PLEKHB2: variants seen among roughly 807,000 people sequenced by gnomAD.
PLEKHB2 encodes pleckstrin homology domain containing B2, also known as pleckstrin homology domain-containing family B member 2.
PLEKHB2 carries 31 observed loss-of-function variants against 36.5 expected under a neutral mutation model. The observed-to-expected ratio is 0.85, with a 90% confidence interval of 0.64 to 1.15. The LOEUF (loss-of-function observed/expected upper bound fraction) is 1.15, where lower values mean the gene tolerates loss of function less well. Among genes scored for constraint, PLEKHB2 ranks in the 50% most tolerant of loss-of-function variants. PLEKHB2 has a pLI of 0.00. For missense variants in PLEKHB2, 262 were observed against 295.3 expected (o/e 0.89, Z 0.83); for synonymous variants, 119 against 112.0 (o/e 1.06, Z -0.39).
At chr2:131,131,886 T>G (rs984717532) in intron 5 of PLEKHB2, among the ~76,000 whole-genome samples, 19 of 150,956 alleles carry the variant, frequency 1.3e-4, no homozygotes, top group Non-Finnish European at 1.8e-4. Context: ...CAGGCCAGAG[T>G]GCAGTGGAGC....
At chr2:131,138,211 A>G (rs1005923463) in intron 6 of PLEKHB2, among the ~76,000 whole-genome samples, 2 of 151,638 alleles carry the variant, frequency 1.3e-5, no homozygotes, top group African/African-American at 4.8e-5. Flanking sequence ...GTTATTCTTT[A>G]TATCTTGATA....
intron 5 of PLEKHB2, among the ~76,000 whole-genome samples, chr2:131,131,700 CAACTT>C (rs1697701882): frequency 6.6e-6 from 1 of 150,956 alleles, no homozygotes; most frequent in Non-Finnish European, 1.5e-5. Context: ...TAGCACACAA[CAACTT>C]CATTCTAAGC....
chr2:131,121,007 G>A (rs1370681959), intron 2 of PLEKHB2, 29 bp downstream of exon 2: 2 of 1,609,604 alleles, frequency 1.2e-6, no homozygotes, highest in South Asian at 1.1e-5. Context: ...GTCTGCGATC[G>A]GCATTGCCGA....
intron 7 of PLEKHB2, 21 bp downstream of exon 7, chr2:131,140,296 A>G: frequency 1.5e-6 from 2 of 1,302,652 alleles, no homozygotes; most frequent in Non-Finnish European, 1.1e-6. Flanking sequence ...CCGGCCTTTC[A>G]TTCCTCATTT....
rs1699496845 is a variant in PLEKHB2 at position 131,149,064 on chromosome 2, A to G, written c.*2291A>G. ...GGTGTAGACTGAAGCTTGGGCACTCATGTGTGTCCCCTCCCCAGTCCCCAT... is the reference window on the plus strand; with the variant it reads ...GGTGTAGACTGAAGCTTGGGCACTCGTGTGTGTCCCCTCCCCAGTCCCCAT... On this transcript the variant is annotated 3_prime_UTR_variant, in exon 8 of 8. Transcript: ENST00000693505. 6.6e-6 allele frequency: 1 copy of G among 152,014 alleles called. No homozygotes were observed. The highest frequency in any genetic ancestry group is 2.1e-4 in the South Asian group (1 of 4,824). 9.4% of individuals were successfully genotyped at this position (152,014 alleles called of 1,614,324 possible). A position where few individuals can be genotyped will look rare whatever the true frequency, so the allele number is the denominator to read the frequency against.
At chr2:131,124,483 G>A (rs1385652246) in intron 2 of PLEKHB2, among the ~76,000 whole-genome samples, 2 of 152,212 alleles carry the variant, frequency 1.3e-5, no homozygotes, top group African/African-American at 4.8e-5. Context: ...CCTTCATGCA[G>A]TCAAGGAAAT....
chr2:131,139,231 A>G (rs1192106716), intron 6 of PLEKHB2, among the ~76,000 whole-genome samples: 1 of 152,116 alleles, frequency 6.6e-6, no homozygotes, highest in Non-Finnish European at 1.5e-5. Flanking sequence ...TGTGAAGCAA[A>G]AAGGAAACCC....
intron 5 of PLEKHB2, 25 bp from the exon 6 acceptor site, chr2:131,132,877 C>T (rs1009859165): frequency 7.2e-7 from 1 of 1,382,380 alleles, no homozygotes; most frequent in Non-Finnish European, 1.0e-6. Context: ...GCTGTCCTGT[C>T]CTCACCCTCT....
At chr2:131,107,148 G>A (rs923558488) in intron 1 of PLEKHB2, among the ~76,000 whole-genome samples, 3 of 152,116 alleles carry the variant, frequency 2.0e-5, no homozygotes, top group Non-Finnish European at 4.4e-5. Context: ...TTTGTCTAAA[G>A]AAATTAAAGA....
intron 1 of PLEKHB2, among the ~76,000 whole-genome samples, chr2:131,113,163 A>C (rs1281552586): frequency 6.6e-6 from 1 of 151,046 alleles, no homozygotes; most frequent in Non-Finnish European, 1.5e-5. Flanking sequence ...GCTCACTGCA[A>C]CCTCCCCATC....
intron 6 of PLEKHB2, among the ~76,000 whole-genome samples, chr2:131,137,368 A>G (rs1012790013): frequency 3.3e-5 from 5 of 152,204 alleles, no homozygotes; most frequent in South Asian, 4.1e-4. Flanking sequence ...GCGCTTGCAC[A>G]TGGCCTCCTC....
In PLEKHB2 at chr2:131,147,604, C is replaced by G. The variant is rs986229648; in HGVS notation, c.*831C>G. On this transcript the variant is annotated 3_prime_UTR_variant, in exon 8 of 8. Transcript: ENST00000693505. ...ACGAGGTCAGGAGATCGAGACCATC[C>G]TGGCTAACACGGTGAAACCCCATCT... The G allele has an allele frequency of 2.6e-5, 4 of 152,234 alleles. No homozygotes were observed. Among genetic ancestry groups the G allele is most frequent in the African/African-American group, 9.7e-5 (4 of 41,434 alleles). The allele number at this position is 152,234 out of a possible 1,614,324, so 9.4% of individuals were successfully genotyped here.
At chr2:131,137,352 C>T (rs1322163742) in intron 6 of PLEKHB2, among the ~76,000 whole-genome samples, 1 of 152,204 alleles carries the variant, frequency 6.6e-6, no homozygotes, top group East Asian at 1.9e-4. Flanking sequence ...TCCTGAGGCC[C>T]CTCCTGCGCT....
Position 131,141,640 on chromosome 2 carries a change from A to T in PLEKHB2, c.532+1365A>T, listed in dbSNP as rs1559108339. ...GGGCGACAGAACGAGACTCCGTCTC[A>T]AAAAAAAAAAAAAAAAAAAAGTAAT... On this transcript the variant is annotated intron_variant, in intron 7 of 7. Coordinates refer to ENST00000693505, the MANE Select transcript of PLEKHB2 (RefSeq NM_001100623.2). 3.4e-5 allele frequency among the ~76,000 whole-genome samples: 4 copies of T among 118,248 alleles called. No individual in the cohort carries two copies. The South Asian group carries it at 9.3e-4, about 27-fold the overall frequency. 77.6% of individuals were successfully genotyped at this position (118,248 alleles called of 152,430 possible). A position where few individuals can be genotyped will look rare whatever the true frequency, so the allele number is the denominator to read the frequency against.
At chr2:131,134,192 C>G (rs1036418902) in intron 6 of PLEKHB2, among the ~76,000 whole-genome samples, 2 of 151,494 alleles carry the variant, frequency 1.3e-5, no homozygotes, top group Non-Finnish European at 2.9e-5. Flanking sequence ...AGCCACTGCA[C>G]CCGGCCCTTT....
chr2:131,145,932 C>T (rs1318213695), intron 7 of PLEKHB2, among the ~76,000 whole-genome samples: 1 of 152,080 alleles, frequency 6.6e-6, no homozygotes, highest in African/African-American at 2.4e-5. Flanking sequence ...CCTGTAATCT[C>T]AGCACTTTGG....
In PLEKHB2 at chr2:131,144,681, C is replaced by G. The variant is rs189063208; in HGVS notation, c.533-1956C>G. Among the ~76,000 whole-genome samples, 783 of 152,256 alleles carry G rather than the reference C, an allele frequency of 5.1e-3. 4 individuals are homozygous for G. The highest frequency in any genetic ancestry group is 9.2e-3 in the Non-Finnish European group (627 of 68,030). On this transcript the variant is annotated intron_variant, in intron 7 of 7. Coordinates refer to ENST00000693505, the MANE Select transcript of PLEKHB2 (RefSeq NM_001100623.2). ...AATTAGGCAATTATAATAAGTGTGA[C>G]CTGGAAGCATCCACAGCTGACTCTG...
chr2:131,130,904 C>T (rs550653837), intron 5 of PLEKHB2, 144 bp downstream of exon 5: 1 of 641,054 alleles, frequency 1.6e-6, no homozygotes, highest in African/African-American at 1.8e-5. Flanking sequence ...CCTCAGCCTC[C>T]CCTTCCCAGT....
Position 131,148,861 on chromosome 2 carries a change from G to C in PLEKHB2, c.*2088G>C, listed in dbSNP as rs1050599741. The C allele has an allele frequency of 6.6e-6, 1 of 152,196 alleles. No individual in the cohort carries two copies. The highest frequency in any genetic ancestry group is 2.4e-5 in the African/African-American group (1 of 41,452). The allele number at this position is 152,196 out of a possible 1,614,324, so 9.4% of individuals were successfully genotyped here. A position where few individuals can be genotyped will look rare whatever the true frequency, so the allele number is the denominator to read the frequency against. ...TCAGATTATAATCGTTATTAAAGCTGTATGTACACTTTACTTAAAAACTAT... is the reference window on the plus strand; with the variant it reads ...TCAGATTATAATCGTTATTAAAGCTCTATGTACACTTTACTTAAAAACTAT... On this transcript the variant is annotated 3_prime_UTR_variant, in exon 8 of 8. Coordinates refer to ENST00000693505, the MANE Select transcript of PLEKHB2 (RefSeq NM_001100623.2).
Sources: allele counts gnomAD v4.1 joint callset (sites outside exome capture counted in the v4.1 genomes callset), GRCh38; gene constraint gnomAD v4.1.1; transcripts MANE v1.5; gene names NCBI Gene and HGNC (gene_info 2026-07-23, HGNC 2026-07-21).